Variants in ANKRD11 observed in about 807,000 individuals in gnomAD.
ANKRD11 encodes ankyrin repeat domain-containing protein 11.
Under a neutral mutation model 195.7 loss-of-function variants are expected in ANKRD11, and 17 were observed. That is an observed-to-expected ratio of 0.09 (90% CI 0.06 to 0.13). The LOEUF (loss-of-function observed/expected upper bound fraction) is 0.13. Among genes scored for constraint, ANKRD11 ranks in the 10% least tolerant of loss-of-function variants. ANKRD11 has a pLI of 1.00. For synonymous variants in ANKRD11, 1,953 were observed against 1,528.1 expected, an observed-to-expected ratio of 1.28 and a Z score of -6.49; for missense variants, 3,735 against 3,566.1, an observed-to-expected ratio of 1.05 and a Z score of -1.21.
rs571301328 is a variant in ANKRD11, at chr16:89,348,047, C to T, written c.-59-30969G>A. Among the ~76,000 whole-genome samples the T allele has an allele frequency of 2.0e-5, 3 of 152,134 alleles. No individual in the cohort carries two copies. The East Asian group carries it at 5.8e-4, about 29-fold the overall frequency. On this transcript the variant is annotated intron_variant, in intron 2 of 12. Transcript: ENST00000301030. ...CTCCTGGGCTCAATGGATCTTCCCA[C>T]CTCAGCCTCCAGGGTAACTGGGACT...
intron 3 of ANKRD11, among the ~76,000 whole-genome samples, chr16:89,308,283 G>T (rs1484855927): frequency 1.3e-5 from 2 of 152,138 alleles, no homozygotes; most frequent in Non-Finnish European, 2.9e-5. Context: ...AGAAAATAAA[G>T]AAAAGAAAAC....
chr16:89,313,354 C>G, intron 3 of ANKRD11: 1 of 1,287,568 alleles, frequency 7.8e-7, no homozygotes, highest in Non-Finnish European at 1.0e-6. Flanking sequence ...CAGACACCTG[C>G]TGGTTCTTCC....
At chr16:89,390,078 G>A (rs1175905198) in intron 2 of ANKRD11, among the ~76,000 whole-genome samples, 1 of 63,404 alleles carries the variant, frequency 1.6e-5, no homozygotes. Flanking sequence ...ACCGAGTGTG[G>A]CGGGGAGCAC....
At position 89,282,995 on chromosome 16, in the gene ANKRD11, C is replaced by T. The variant is rs2034390311; in HGVS notation, c.3547G>A (p.Asp1183Asn). 1 of 1,613,766 alleles carries T rather than the reference C, an allele frequency of 6.2e-7. No homozygotes were observed. The highest frequency in any genetic ancestry group is 8.5e-7 in the Non-Finnish European group (1 of 1,180,024). ...PERQKDKEPR[D>N]RRKDRGAADA... ...GCAGCCCCTCGGTCCTTTCTCCTGT[C>T]TCTGGGCTCCTTGTCCTTCTGCCTC... The change falls in exon 9 of 13, where the codon GAC becomes AAC. Residue 1183 changes from aspartate (D) to asparagine (N), a missense_variant. Coordinates refer to ENST00000301030, the MANE Select transcript of ANKRD11 (RefSeq NM_013275.6).
At chr16:89,345,013 G>A (rs1046301895) in intron 2 of ANKRD11, among the ~76,000 whole-genome samples, 1 of 152,186 alleles carries the variant, frequency 6.6e-6, no homozygotes, top group Non-Finnish European at 1.5e-5. Context: ...CGCAGATGAG[G>A]CAGGAGGAAC....
At chr16:89,382,087 C>T (rs917799835) in intron 2 of ANKRD11, among the ~76,000 whole-genome samples, 6 of 152,150 alleles carry the variant, frequency 3.9e-5, no homozygotes, top group African/African-American at 9.7e-5. Context: ...CCCAGGCAGG[C>T]GCCACCAGAA....
chr16:89,282,920 TCTC>T lies in ANKRD11; in HGVS notation c.3619_3621del (p.Glu1207del). 2 of 1,612,990 alleles carry T rather than the reference TCTC, an allele frequency of 1.2e-6. No individual in the cohort carries two copies. Among genetic ancestry groups the T allele is most frequent in the South Asian group, 1.1e-5 (1 of 91,036 alleles). On this transcript the variant is annotated inframe_deletion, in exon 9 of 13. Coordinates refer to ENST00000301030, the MANE Select transcript of ANKRD11 (RefSeq NM_013275.6). Reference sequence around the variant, plus strand: ...TTTTCTGTGGACTCTTTATCCTTCTTCTCCTTGTGCTTTTCAAAGACTTTCTCT... The same window carrying T: ...TTTTCTGTGGACTCTTTATCCTTCTTCTTGTGCTTTTCAAAGACTTTCTCT...
At chr16:89,328,634 A>C (rs1401507502) in intron 2 of ANKRD11, among the ~76,000 whole-genome samples, 1 of 150,556 alleles carries the variant, frequency 6.6e-6, no homozygotes, top group Admixed American at 6.6e-5. Context: ...GGACACACCC[A>C]GGAGCACGGG....
At chr16:89,381,809 G>A (rs371454318) in intron 2 of ANKRD11, among the ~76,000 whole-genome samples, 1 of 152,158 alleles carries the variant, frequency 6.6e-6, no homozygotes, top group African/African-American at 2.4e-5. Flanking sequence ...TTGACCCCAC[G>A]CGAATGGGGG....
At chr16:89,311,671 T>C (rs1312695937) in intron 3 of ANKRD11, among the ~76,000 whole-genome samples, 4 of 152,110 alleles carry the variant, frequency 2.6e-5, no homozygotes, top group African/African-American at 7.2e-5. Flanking sequence ...TTGCCAAAGA[T>C]AGGATTTTAA....
chr16:89,337,607 T>G (rs1240938404), intron 2 of ANKRD11, among the ~76,000 whole-genome samples: 1 of 151,750 alleles, frequency 6.6e-6, no homozygotes, highest in African/African-American at 2.4e-5. Flanking sequence ...CAGATAATTT[T>G]TTTGTATTTT....
intron 2 of ANKRD11, among the ~76,000 whole-genome samples, chr16:89,393,753 T>C (rs958008476): frequency 3.9e-5 from 6 of 152,222 alleles, no homozygotes; most frequent in African/African-American, 7.2e-5. Flanking sequence ...GCTGGGCCTA[T>C]TGCCCTTCAT....
chr16:89,394,071 C>T (rs1401856521), intron 2 of ANKRD11, among the ~76,000 whole-genome samples: 2 of 152,190 alleles, frequency 1.3e-5, no homozygotes, highest in African/African-American at 4.8e-5. Flanking sequence ...TCCTCCCCGC[C>T]TCCCTAGCCC....
rs556562104 is a variant in ANKRD11 at position 89,371,101 on chromosome 16, G to A, written c.-60+47183C>T. 7.9e-4 allele frequency among the ~76,000 whole-genome samples: 121 copies of A among 152,260 alleles called. 1 individual carries two copies. The highest frequency in any genetic ancestry group is 2.9e-3 in the African/African-American group (119 of 41,560). ...ACGTTCAACTGCGCGCTCGCTTACT[G>A]AAAACCGCCGAGGGGGAAGACGGGA... On this transcript the variant is annotated intron_variant, in intron 2 of 12. Coordinates refer to ENST00000301030, the MANE Select transcript of ANKRD11 (RefSeq NM_013275.6).
chr16:89,271,275 T>C (rs370312724), intron 11 of ANKRD11: 31 of 343,846 alleles, frequency 9.0e-5, no homozygotes, highest in African/African-American at 6.2e-4. Context: ...GTTTCGCTTG[T>C]TGCCCAGGCT....
intron 1 of ANKRD11, among the ~76,000 whole-genome samples, chr16:89,467,066 G>T (rs1187909901): frequency 6.6e-6 from 1 of 152,192 alleles, no homozygotes; most frequent in Non-Finnish European, 1.5e-5. Context: ...CAGGAACTCT[G>T]TGCCAGGAGT....
At position 89,282,149 on chromosome 16, in the gene ANKRD11, G is replaced by T. The variant is rs746788345; in HGVS notation, c.4393C>A (p.His1465Asn). Residue 1465 changes from histidine (H) to asparagine (N), a missense_variant, in exon 9 of 13, where the codon CAC (histidine) becomes AAC (asparagine). His to Asn is a moderately conservative substitution (Grantham distance 68). Transcript: ENST00000301030. ...TTCTCGTCTCTCCATTTCTCCCTGT[G>T]TTTCTCTCTCTTCTTCTTCTCTTTT... ...ILKEKKKREK[H>N]REKWRDEKER... 31 of 1,613,770 alleles carry T rather than the reference G, an allele frequency of 1.9e-5. No individual in the cohort carries two copies. The highest frequency in any genetic ancestry group is 2.4e-5 in the Non-Finnish European group (28 of 1,180,004).
chr16:89,315,749 T>C (rs1672761763), intron 3 of ANKRD11, among the ~76,000 whole-genome samples: 1 of 152,150 alleles, frequency 6.6e-6, no homozygotes, highest in African/African-American at 2.4e-5. Context: ...GTGTCCGTAT[T>C]CACAAAATGC....
chr16:89,295,732 T>TG (rs1450382170), intron 4 of ANKRD11, among the ~76,000 whole-genome samples: 3 of 144,842 alleles, frequency 2.1e-5, no homozygotes. Flanking sequence ...GCAGGTGGGA[T>TG]GGGGGGGATG....
Sources: gnomAD v4.1 joint callset for allele counts (sites outside exome capture counted in the v4.1 genomes callset) on GRCh38, gnomAD v4.1.1 for gene constraint, MANE v1.5 for transcripts, NCBI Gene and HGNC (gene_info 2026-07-23, HGNC 2026-07-21) for gene names.